Variants in FBXO4 observed in about 807,000 individuals in gnomAD.
The protein encoded by FBXO4 is F-box protein 4.
A neutral mutation model predicts 43.7 loss-of-function variants in FBXO4; 36 were observed. The observed-to-expected ratio is 0.82, with a 90% confidence interval of 0.63 to 1.09. FBXO4 has a LOEUF of 1.09. FBXO4 is among the 50% of genes least tolerant of loss of function. The pLI, the probability that FBXO4 is intolerant of heterozygous loss-of-function variation, is 0.00. For synonymous variants in FBXO4, 180 were observed against 165.6 expected, an observed-to-expected ratio of 1.09 and a Z score of -0.67; for missense variants, 435 against 474.1, an observed-to-expected ratio of 0.92 and a Z score of 0.77.
At chr5:41,952,247 T>A in the FBXO4 span, 1 of 154,074 alleles carries the variant, frequency 6.5e-6, no homozygotes, top group East Asian at 1.9e-4. Flanking sequence ...TCCATATGGA[T>A]CTCTCCACAG....
the FBXO4 span, among the ~76,000 whole-genome samples, chr5:42,007,442 CAG>C: frequency 3.9e-4 from 60 of 152,014 alleles, 1 homozygote; most frequent in Non-Finnish European, 2.1e-4. Context: ...GCAAACTACT[CAG>C]GGGCAGAAAT....
chr5:42,001,001 GA>G, the FBXO4 span, among the ~76,000 whole-genome samples: 2 of 152,166 alleles, frequency 1.3e-5, no homozygotes, highest in Non-Finnish European at 2.9e-5. Flanking sequence ...TTAGAAATCA[GA>G]AAGTGTGATG....
At chr5:41,929,667 TA>T in intron 2 of FBXO4, 29 bp from the exon 3 acceptor site, 1 of 1,510,934 alleles carries the variant, frequency 6.6e-7, no homozygotes, top group South Asian at 1.3e-5. Context: ...TTTTCTGTGT[TA>T]ATGTTCTAAT....
In FBXO4 at chr5:41,941,689, CAGAA is replaced by C. The variant is rs1419233470; in HGVS notation, c.*410_*413del. On this transcript the variant is annotated 3_prime_UTR_variant, in exon 7 of 7. Transcript: ENST00000281623. ...TTTTCAAGGGTTCATAAGTGGTTAT[CAGAA>C]AAGAAATTTTTATCTATTCTTAATA... is the stretch of plus-strand genomic sequence containing the variant. 1 of 156,716 alleles carries C rather than the reference CAGAA, an allele frequency of 6.4e-6. No homozygotes were observed. Among genetic ancestry groups the C allele is most frequent in the African/African-American group, 2.4e-5 (1 of 41,426 alleles). 9.7% of individuals were successfully genotyped at this position (156,716 alleles called of 1,614,324 possible).
the FBXO4 span, among the ~76,000 whole-genome samples, chr5:42,029,996 G>C: frequency 1.3e-5 from 2 of 151,696 alleles, no homozygotes; most frequent in South Asian, 4.2e-4. Flanking sequence ...GCTCATGGGT[G>C]GGAAGAATCA....
At chr5:41,925,613 CG>C in intron 1 of FBXO4, 115 bp downstream of exon 1, 1 of 732,354 alleles carries the variant, frequency 1.4e-6, no homozygotes, top group Non-Finnish European at 1.9e-6. Flanking sequence ...GGTCTGGCTC[CG>C]TCCATGCAGC....
chr5:41,998,474 T>A, the FBXO4 span, among the ~76,000 whole-genome samples: 3 of 152,272 alleles, frequency 2.0e-5, no homozygotes, highest in Non-Finnish European at 4.4e-5. Flanking sequence ...CCAAGGGAGA[T>A]CAGGCATTTC....
At chr5:41,965,448 G>A in the FBXO4 span, among the ~76,000 whole-genome samples, 3 of 152,116 alleles carry the variant, frequency 2.0e-5, no homozygotes, top group African/African-American at 7.2e-5. Flanking sequence ...GATGGGGATG[G>A]CATTGAATCT....
the FBXO4 span, among the ~76,000 whole-genome samples, chr5:42,002,106 G>T: frequency 6.6e-6 from 1 of 152,078 alleles, no homozygotes; most frequent in Non-Finnish European, 1.5e-5. Context: ...ATCATAATAG[G>T]TTCCTTTTTT....
the FBXO4 span, among the ~76,000 whole-genome samples, chr5:41,994,325 C>T: frequency 6.6e-6 from 1 of 152,104 alleles, no homozygotes; most frequent in Non-Finnish European, 1.5e-5. Flanking sequence ...CATGCATAAA[C>T]ATGTTTTTAA....
At chr5:41,999,455 G>A in the FBXO4 span, among the ~76,000 whole-genome samples, 1 of 69,870 alleles carries the variant, frequency 1.4e-5, no homozygotes, top group Non-Finnish European at 2.6e-5. Flanking sequence ...GAGTGTGTGT[G>A]TGTGTGTGTG....
downstream of FBXO4, among the ~76,000 whole-genome samples, chr5:41,942,062 A>G (rs993870983): frequency 1.3e-5 from 2 of 152,128 alleles, no homozygotes; most frequent in African/African-American, 4.8e-5. Flanking sequence ...AGCCATAAAT[A>G]TCTATATATA....
At chr5:41,959,454 C>G in the FBXO4 span, among the ~76,000 whole-genome samples, 1 of 151,964 alleles carries the variant, frequency 6.6e-6, no homozygotes. Context: ...TTAAAAAGTC[C>G]TTGCCTAGAT....
At chr5:41,943,031 C>A (rs1752027089), downstream of FBXO4, among the ~76,000 whole-genome samples, 1 of 152,016 alleles carries the variant, frequency 6.6e-6, no homozygotes, top group African/African-American at 2.4e-5. Context: ...AACTTTAAAT[C>A]TCAGAAAAAC....
intron 5 of FBXO4, among the ~76,000 whole-genome samples, chr5:41,935,700 C>T (rs139634559): frequency 1.3e-5 from 2 of 152,308 alleles, no homozygotes; most frequent in East Asian, 3.9e-4. Context: ...CTACCTAAGG[C>T]CTGAGGCTGG....
At chr5:42,003,250 G>A in the FBXO4 span, among the ~76,000 whole-genome samples, 2 of 152,184 alleles carry the variant, frequency 1.3e-5, no homozygotes, top group African/African-American at 4.8e-5. Flanking sequence ...TTTGTCTTGA[G>A]TTACATGCTT....
the FBXO4 span, among the ~76,000 whole-genome samples, chr5:42,002,760 T>C: frequency 0.15 from 22,662 of 152,118 alleles, 2,847 homozygotes; most frequent in African/African-American, 0.34. Context: ...TCACGTGTAC[T>C]CCAATAAGTG....
the FBXO4 span, among the ~76,000 whole-genome samples, chr5:42,011,963 A>G: frequency 6.6e-6 from 1 of 152,194 alleles, no homozygotes; most frequent in South Asian, 2.1e-4. Context: ...TCTGGGAAAC[A>G]AATACCGTCT....
At chr5:42,016,431 A>G in the FBXO4 span, among the ~76,000 whole-genome samples, 1 of 151,778 alleles carries the variant, frequency 6.6e-6, no homozygotes, top group Non-Finnish European at 1.5e-5. Flanking sequence ...CCATTCTGCC[A>G]CCATGGTAAG....
Sources: allele counts gnomAD v4.1 joint callset (sites outside exome capture counted in the v4.1 genomes callset), GRCh38; gene constraint gnomAD v4.1.1; transcripts MANE v1.5; gene names NCBI Gene and HGNC (gene_info 2026-07-23, HGNC 2026-07-21).